Variants in DENND4A observed in about 807,000 individuals in gnomAD.
The protein encoded by DENND4A is DENN domain containing 4A, also known as C-myc promoter-binding protein.
In DENND4A, 70 loss-of-function variants were observed where a neutral mutation model predicts 199.3. The ratio of observed to expected loss-of-function variants is 0.35; its 90% CI spans 0.29 to 0.43. The LOEUF is 0.43. Ranked by LOEUF, DENND4A falls within the 20% of genes least tolerant of loss-of-function variation. DENND4A has a pLI of 1.00. For missense variants in DENND4A, 1,723 were observed against 2,255.8 expected, an observed-to-expected ratio of 0.76 and a Z score of 4.78; for synonymous variants, 686 against 766.9, an observed-to-expected ratio of 0.89 and a Z score of 1.74.
At chr15:65,753,567 CAGG>C (rs2076621009) in intron 3 of DENND4A, among the ~76,000 whole-genome samples, 1 of 152,140 alleles carries the variant, frequency 6.6e-6, no homozygotes, top group African/African-American at 2.4e-5. Context: ...CCATGTTGGC[CAGG>C]CTGATCTCGA....
rs183695759 is a variant in DENND4A at position 65,780,964 on chromosome 15, A to G, written c.-102+11046T>C. ...GGTCTGGGTGCTTGAGCTATAACATAGTTACCAATAGATTATTCTGGGAGG... is the reference window on the plus strand; with the variant it reads ...GGTCTGGGTGCTTGAGCTATAACATGGTTACCAATAGATTATTCTGGGAGG... On this transcript the variant is annotated intron_variant, in intron 1 of 32. Transcript: ENST00000443035. Among the ~76,000 whole-genome samples, 376 of 152,308 alleles carry G rather than the reference A, an allele frequency of 2.5e-3. 1 individual carries two copies. Among genetic ancestry groups the G allele is most frequent in the African/African-American group, 8.5e-3 (352 of 41,558 alleles).
intron 11 of DENND4A, among the ~76,000 whole-genome samples, chr15:65,723,811 T>C (rs1337033552): frequency 6.6e-6 from 1 of 152,210 alleles, no homozygotes; most frequent in Non-Finnish European, 1.5e-5. Flanking sequence ...AATAACTTAT[T>C]GTACTGTACT....
intron 5 of DENND4A, among the ~76,000 whole-genome samples, chr15:65,741,257 A>T (rs1002654898): frequency 6.6e-6 from 1 of 152,168 alleles, no homozygotes; most frequent in Non-Finnish European, 1.5e-5. Flanking sequence ...TTCTCTTGTA[A>T]ATAAGGTCAC....
chr15:65,746,084 T>C (rs780345030), intron 4 of DENND4A, among the ~76,000 whole-genome samples: 15 of 150,910 alleles, frequency 9.9e-5, no homozygotes, highest in Middle Eastern at 3.4e-3. Flanking sequence ...GAGGTTGCGG[T>C]GTGCAGAGAT....
At chr15:65,693,811 T>G (rs1007082574) in intron 22 of DENND4A, among the ~76,000 whole-genome samples, 1 of 152,040 alleles carries the variant, frequency 6.6e-6, no homozygotes, top group Non-Finnish European at 1.5e-5. Context: ...TTGATTAATG[T>G]CTTCCCATCC....
In DENND4A at chr15:65,752,628, C is replaced by A; in HGVS notation, c.312G>T (p.Gly104=). Residue 104 remains glycine, a splice_region_variant and synonymous_variant, in exon 4 of 33, where the codon GGG becomes GGT. Transcript: ENST00000443035. The stretch of plus-strand genomic sequence containing the variant: ...ATCTTTCTTTCCAGTCATATAAAAC[C>A]CTAAAAATAAATTTTTAAAAATAAA... ...GRDKPPLTDL[G]VLYDWKERLK... 6.7e-7 allele frequency: 1 copy of A among 1,485,842 alleles called. No individual in the cohort carries two copies. The highest frequency in any genetic ancestry group is 9.0e-7 in the Non-Finnish European group (1 of 1,106,628). 92.0% of individuals were successfully genotyped at this position (1,485,842 alleles called of 1,614,324 possible).
chr15:65,767,352 G>C (rs555442823), intron 1 of DENND4A: 12 of 152,200 alleles, frequency 7.9e-5, no homozygotes, highest in African/African-American at 2.6e-4. Context: ...GTTCCATGAG[G>C]GTACAGATTT....
intron 1 of DENND4A, among the ~76,000 whole-genome samples, chr15:65,770,139 A>C (rs1159097148): frequency 1.3e-5 from 2 of 152,208 alleles, no homozygotes; most frequent in Admixed American, 1.3e-4. Flanking sequence ...TGCTCTGATC[A>C]GATAAGTATA....
intron 15 of DENND4A, among the ~76,000 whole-genome samples, chr15:65,703,440 C>T (rs1034135587): frequency 6.6e-5 from 10 of 152,206 alleles, no homozygotes; most frequent in African/African-American, 1.9e-4. Context: ...TGTTGAACCT[C>T]CCTTCTTAGA....
chr15:65,691,384 G>C lies in DENND4A; in HGVS notation c.3210C>G (p.Val1070=), dbSNP rs751926659. The change falls in exon 23 of 33, where the codon GTC becomes GTG. Residue 1070 remains valine (V), a synonymous_variant. Coordinates refer to ENST00000443035, the MANE Select transcript of DENND4A (RefSeq NM_001320835.1). ...DNETNLQQQV[V]WGNRNRNLSG... Reference sequence around the variant, plus strand: ...TAAGATTACGGTTTCTATTTCCCCAGACCACTTGCTGCTGCAAATTAGTTT... The same window carrying C: ...TAAGATTACGGTTTCTATTTCCCCACACCACTTGCTGCTGCAAATTAGTTT... The C allele has an allele frequency of 1.2e-6, 2 of 1,613,424 alleles. No individual in the cohort carries two copies. Among genetic ancestry groups the C allele is most frequent in the African/African-American group, 2.7e-5 (2 of 74,896 alleles).
intron 16 of DENND4A, 83 bp from the exon 17 acceptor site, chr15:65,702,594 A>G (rs983481972): frequency 1.7e-6 from 2 of 1,161,840 alleles, no homozygotes; most frequent in African/African-American, 3.1e-5. Context: ...AGTACAAGTC[A>G]CATGCTTTTA....
intron 11 of DENND4A, chr15:65,728,856 G>A: frequency 1.8e-6 from 1 of 562,948 alleles, no homozygotes; most frequent in Non-Finnish European, 3.2e-6. Context: ...GCCTGAGGAT[G>A]AAAGGTATAG....
chr15:65,691,648 C>T, intron 22 of DENND4A, 137 bp from the exon 23 acceptor site: 1 of 877,358 alleles, frequency 1.1e-6, no homozygotes, highest in Admixed American at 3.2e-5. Context: ...AGATACTATA[C>T]TAAACACTTT....
chr15:65,733,915 C>T (rs1281892610), intron 7 of DENND4A, among the ~76,000 whole-genome samples: 1 of 152,242 alleles, frequency 6.6e-6, no homozygotes, highest in Non-Finnish European at 1.5e-5. Context: ...TCACCACTCC[C>T]TAATCTCAAG....
intron 21 of DENND4A, 139 bp downstream of exon 21, chr15:65,697,128 G>A (rs2077172768): frequency 1.4e-5 from 8 of 591,134 alleles, no homozygotes; most frequent in Non-Finnish European, 2.3e-5. Context: ...TGTGGTGGCT[G>A]AGAGGGCACG....
intron 30 of DENND4A, 136 bp from the exon 31 acceptor site, chr15:65,664,858 C>T: frequency 1.3e-6 from 1 of 765,232 alleles, no homozygotes. Context: ...AAATAGGAAT[C>T]CAAGAATGAA....
intron 23 of DENND4A, among the ~76,000 whole-genome samples, chr15:65,679,893 T>C (rs1251353178): frequency 6.6e-6 from 1 of 152,150 alleles, no homozygotes; most frequent in African/African-American, 2.4e-5. Context: ...TGGTGGGTAC[T>C]TCAGTATATT....
intron 24 of DENND4A, among the ~76,000 whole-genome samples, chr15:65,674,875 T>C (rs2076326131): frequency 6.6e-6 from 1 of 152,158 alleles, no homozygotes; most frequent in African/African-American, 2.4e-5. Context: ...AAATAACTCA[T>C]TGAGGAAGGA....
At chr15:65,674,241 ATGATT>A (rs1293562738) in intron 24 of DENND4A, among the ~76,000 whole-genome samples, 1 of 152,202 alleles carries the variant, frequency 6.6e-6, no homozygotes, top group African/African-American at 2.4e-5. Context: ...TGATGGTATT[ATGATT>A]TATGTTTTCA....
Sources: gnomAD v4.1 joint callset for allele counts (sites outside exome capture counted in the v4.1 genomes callset) on GRCh38, gnomAD v4.1.1 for gene constraint, MANE v1.5 for transcripts, NCBI Gene and HGNC (gene_info 2026-07-23, HGNC 2026-07-21) for gene names.